Variants in NUP155 observed in about 807,000 individuals in gnomAD.
NUP155 encodes nucleoporin 155, also known as nuclear pore complex protein Nup155.
Under a neutral mutation model 180.4 loss-of-function variants are expected in NUP155, and 71 were observed. The ratio of observed to expected loss-of-function variants is 0.39; its 90% CI spans 0.33 to 0.48. The LOEUF is 0.48. Among genes scored for constraint, NUP155 ranks in the 20% least tolerant of loss-of-function variants. NUP155 has a pLI of 0.91. For missense variants in NUP155, 1,553 were observed against 1,648.9 expected, an observed-to-expected ratio of 0.94 and a Z score of 1.01; for synonymous variants, 582 against 559.5, an observed-to-expected ratio of 1.04 and a Z score of -0.57.
chr5:37,324,498 CAT>C (rs935239893), intron 19 of NUP155, among the ~76,000 whole-genome samples: 3 of 151,470 alleles, frequency 2.0e-5, no homozygotes, highest in African/African-American at 7.3e-5. Flanking sequence ...TTTAGACTTC[CAT>C]ATATATATAT....
intron 24 of NUP155, among the ~76,000 whole-genome samples, chr5:37,308,741 G>A (rs1743327985): frequency 6.6e-6 from 1 of 150,782 alleles, no homozygotes; most frequent in African/African-American, 2.4e-5. Flanking sequence ...TTAGCTGGGC[G>A]TGGTGGCGTG....
At chr5:37,292,110 A>G in intron 34 of NUP155, 72 bp from the exon 35 acceptor site, 6 of 1,380,316 alleles carry the variant, frequency 4.3e-6, no homozygotes, top group Non-Finnish European at 6.2e-6. Flanking sequence ...CTTCCCCACC[A>G]ACTTCTGGCA....
Position 37,356,229 on chromosome 5 carries a change from C to CAA in NUP155, c.463+1850_463+1851dup, listed in dbSNP as rs35469429. On this transcript the variant is annotated intron_variant, in intron 4 of 34. Transcript: ENST00000231498. ...GGGCAACAAGAGCAAAATTCCATCT[C>CAA]AAAAAAAAAAAAAAAAAATAGAGAT... is the stretch of plus-strand genomic sequence containing the variant. Among the ~76,000 whole-genome samples the CAA allele has an allele frequency of 8.8e-3, 801 of 91,422 alleles. 6 individuals are homozygous for CAA. The highest frequency in any genetic ancestry group is 0.024 in the African/African-American group (523 of 21,406). 60.0% of individuals were successfully genotyped at this position (91,422 alleles called of 152,430 possible).
At chr5:37,327,543 G>C (rs1744680935) in intron 18 of NUP155, 86 bp downstream of exon 18, 1 of 1,456,154 alleles carries the variant, frequency 6.9e-7, no homozygotes, top group Non-Finnish European at 9.6e-7. Flanking sequence ...AGGAATAAAT[G>C]ATGTCCCAAA....
At chr5:37,328,534 C>CT (rs1744756790) in intron 16 of NUP155, 114 bp from the exon 17 acceptor site, 1 of 749,416 alleles carries the variant, frequency 1.3e-6, no homozygotes, top group African/African-American at 1.8e-5. Context: ...GGCAGGGTCT[C>CT]TTTCTGTGGC....
chr5:37,292,382 AT>A (rs1299647029), intron 34 of NUP155, among the ~76,000 whole-genome samples: 8 of 151,534 alleles, frequency 5.3e-5, no homozygotes, highest in African/African-American at 1.5e-4. Context: ...CGCCCAGCTA[AT>A]TTTTTTGTAT....
chr5:37,363,754 G>A, intron 3 of NUP155, 134 bp downstream of exon 3: 1 of 687,158 alleles, frequency 1.5e-6, no homozygotes, highest in South Asian at 1.5e-5. Flanking sequence ...CCAGATGACT[G>A]ATACTGAGAA....
At chr5:37,361,936 C>T (rs903828716) in intron 3 of NUP155, among the ~76,000 whole-genome samples, 1 of 152,012 alleles carries the variant, frequency 6.6e-6, no homozygotes, top group African/African-American at 2.4e-5. Flanking sequence ...GATTAGTGCC[C>T]TTATAAAAGA....
chr5:37,293,829 C>T (rs1185042856), intron 33 of NUP155, among the ~76,000 whole-genome samples: 2 of 109,414 alleles, frequency 1.8e-5, no homozygotes, highest in Non-Finnish European at 3.2e-5. Context: ...GAAACCCCGT[C>T]TCTACTAAAA....
chr5:37,315,334 T>C (rs1463014775), intron 21 of NUP155, among the ~76,000 whole-genome samples: 2 of 152,156 alleles, frequency 1.3e-5, no homozygotes, highest in African/African-American at 4.8e-5. Flanking sequence ...GCACAAAAAG[T>C]TCATGCAATA....
chr5:37,367,398 A>G (rs992480496), intron 1 of NUP155, among the ~76,000 whole-genome samples: 20 of 151,684 alleles, frequency 1.3e-4, no homozygotes, highest in Admixed American at 9.2e-4. Context: ...TATTTTTAGT[A>G]GAGACAGGAT....
chr5:37,342,437 G>T, intron 10 of NUP155, 112 bp downstream of exon 10: 1 of 679,948 alleles, frequency 1.5e-6, no homozygotes, highest in South Asian at 1.8e-5. Context: ...CTATTTATAT[G>T]GCTTTACGGC....
chr5:37,301,221 TTTGTAG>T (rs1742846746), intron 30 of NUP155: 1 of 492,268 alleles, frequency 2.0e-6, no homozygotes, highest in African/African-American at 2.0e-5. Flanking sequence ...TGATAGGTTC[TTTGTAG>T]CTACTGGCCT....
At chr5:37,317,459 GC>G (rs1260839686) in intron 21 of NUP155, among the ~76,000 whole-genome samples, 1 of 151,786 alleles carries the variant, frequency 6.6e-6, no homozygotes, top group Non-Finnish European at 1.5e-5. Context: ...TTGCACTCCA[GC>G]CTGGGAAACA....
At chr5:37,297,998 G>C (rs1328934447) in intron 32 of NUP155, among the ~76,000 whole-genome samples, 1 of 151,584 alleles carries the variant, frequency 6.6e-6, no homozygotes, top group Non-Finnish European at 1.5e-5. Context: ...AGCACCTTGG[G>C]AGGCCAAGGC....
Position 37,294,428 on chromosome 5 carries a change from A to G in NUP155, c.3831T>C (p.Thr1277=). The G allele has an allele frequency of 6.2e-7, 1 of 1,613,706 alleles. No individual in the cohort carries two copies. The highest frequency in any genetic ancestry group is 1.7e-5 in the Admixed American group (1 of 60,010). Residue 1277 remains threonine (T), a synonymous_variant, in exon 33 of 35, where the codon ACT becomes ACC. Transcript: ENST00000231498. The stretch of plus-strand genomic sequence containing the variant: ...TTACGAAGCCCACATCCCAGTTCAA[A>G]GTACAAACCTGCTGTTCTAAAAACT... ...IVQFLEQQVC[T]LNWDVGFVIQ...
At position 37,302,922 on chromosome 5, in the gene NUP155, C is replaced by T. The variant is rs377515747; in HGVS notation, c.3318-14G>A. Reference sequence around the variant, plus strand: ...GAAATTTCTGTGCTAGAAGGGAAAACGCTTATTTTTAGTTACACAATTTCT... The same window carrying T: ...GAAATTTCTGTGCTAGAAGGGAAAATGCTTATTTTTAGTTACACAATTTCT... On this transcript the variant is annotated splice_polypyrimidine_tract_variant and intron_variant, in intron 28 of 34. Coordinates refer to ENST00000231498, the MANE Select transcript of NUP155 (RefSeq NM_153485.3). 75 of 1,612,758 alleles carry T rather than the reference C, an allele frequency of 4.7e-5. 1 individual carries two copies. Among genetic ancestry groups the T allele is most frequent in the African/African-American group, 2.1e-4 (16 of 74,808 alleles).
chr5:37,321,641 CA>C (rs1168453091), intron 20 of NUP155, among the ~76,000 whole-genome samples: 1 of 146,656 alleles, frequency 6.8e-6, no homozygotes, highest in Admixed American at 6.8e-5. Flanking sequence ...TGCTTGAGCC[CA>C]GGAGGCAGAG....
intron 32 of NUP155, 110 bp from the exon 33 acceptor site, chr5:37,294,575 T>C (rs1742418926): frequency 8.0e-6 from 9 of 1,118,284 alleles, no homozygotes; most frequent in South Asian, 1.4e-5. Flanking sequence ...TGAAATCCAA[T>C]TGCAATTTTT....
Sources: gnomAD v4.1 joint callset for allele counts (sites outside exome capture counted in the v4.1 genomes callset) on GRCh38, gnomAD v4.1.1 for gene constraint, MANE v1.5 for transcripts, NCBI Gene and HGNC (gene_info 2026-07-23, HGNC 2026-07-21) for gene names.